The following LRRC37A2 variants were observed in gnomAD, a reference collection of about 807,000 sequenced individuals.
The protein encoded by LRRC37A2 is leucine-rich repeat-containing protein 37A2.
In LRRC37A2, 9 loss-of-function variants were observed where a neutral mutation model predicts 68.8. The ratio of observed to expected loss-of-function variants is 0.13; its 90% CI spans 0.08 to 0.23. LRRC37A2 has a LOEUF of 0.23. LRRC37A2 is among the 10% of genes least tolerant of loss of function. The pLI, the probability that LRRC37A2 is intolerant of heterozygous loss-of-function variation, is 1.00. For missense variants in LRRC37A2, 168 were observed against 950.4 expected, an observed-to-expected ratio of 0.18 and a Z score of 10.82; for synonymous variants, 63 against 367.6, an observed-to-expected ratio of 0.17 and a Z score of 9.48.
the LRRC37A2 span, among the ~76,000 whole-genome samples, chr17:46,741,826 G>A: frequency 6.6e-6 from 1 of 152,150 alleles, no homozygotes; most frequent in Non-Finnish European, 1.5e-5. Context: ...GAGTGCAGTG[G>A]CGCCATCTCG....
chr17:47,036,395 G>A, the LRRC37A2 span, among the ~76,000 whole-genome samples: 3 of 152,068 alleles, frequency 2.0e-5, no homozygotes, highest in African/African-American at 4.8e-5. Context: ...CCAGTTTGGA[G>A]AAGAAAAAAC....
chr17:46,733,796 G>T, the LRRC37A2 span, among the ~76,000 whole-genome samples: 1 of 152,168 alleles, frequency 6.6e-6, no homozygotes, highest in Non-Finnish European at 1.5e-5. Flanking sequence ...CCACTCCAAC[G>T]TCATAGCAGT....
the LRRC37A2 span, among the ~76,000 whole-genome samples, chr17:46,807,858 G>A: frequency 6.6e-6 from 1 of 152,234 alleles, no homozygotes; most frequent in African/African-American, 2.4e-5. Context: ...CTCATAGCCA[G>A]GACATAAAGG....
the LRRC37A2 span, among the ~76,000 whole-genome samples, chr17:46,822,041 G>A: frequency 6.6e-6 from 1 of 152,252 alleles, no homozygotes; most frequent in African/African-American, 2.4e-5. Context: ...ACCAACCTGG[G>A]GGGGTAAAGG....
chr17:46,994,987 G>T, the LRRC37A2 span, among the ~76,000 whole-genome samples: 1 of 152,276 alleles, frequency 6.6e-6, no homozygotes, highest in South Asian at 2.1e-4. Flanking sequence ...GCCAGGCATG[G>T]TGGTGTGCAC....
At chr17:46,988,267 T>C in the LRRC37A2 span, among the ~76,000 whole-genome samples, 1 of 152,182 alleles carries the variant, frequency 6.6e-6, no homozygotes, top group African/African-American at 2.4e-5. Flanking sequence ...TTGTATGAAA[T>C]ACCCAGAAAA....
the LRRC37A2 span, among the ~76,000 whole-genome samples, chr17:46,859,710 C>T: frequency 6.6e-6 from 1 of 152,144 alleles, no homozygotes; most frequent in Non-Finnish European, 1.5e-5. Context: ...TTAGTAGTAT[C>T]TCGTCAATAT....
At chr17:46,898,014 C>A in the LRRC37A2 span, among the ~76,000 whole-genome samples, 3 of 152,114 alleles carry the variant, frequency 2.0e-5, 1 homozygote, top group South Asian at 6.2e-4. Flanking sequence ...AGAAAATACA[C>A]TGGGAAGTAG....
the LRRC37A2 span, among the ~76,000 whole-genome samples, chr17:47,021,071 T>C: frequency 6.6e-6 from 1 of 152,040 alleles, no homozygotes; most frequent in Non-Finnish European, 1.5e-5. Flanking sequence ...TTACAAAGAA[T>C]TAGGTGAGGG....
At chr17:46,824,575 A>G in the LRRC37A2 span, among the ~76,000 whole-genome samples, 1 of 152,338 alleles carries the variant, frequency 6.6e-6, no homozygotes, top group East Asian at 1.9e-4. Flanking sequence ...TAGCAGACAT[A>G]TCTGCTCAGT....
chr17:46,978,339 T>C, the LRRC37A2 span: 1 of 385,898 alleles, frequency 2.6e-6, no homozygotes, highest in East Asian at 4.9e-5. Flanking sequence ...AGTCCCAAAT[T>C]GCATCTCCAT....
the LRRC37A2 span, chr17:46,940,698 C>T: frequency 2.5e-6 from 4 of 1,608,282 alleles, no homozygotes; most frequent in African/African-American, 2.7e-5. Flanking sequence ...TGGTGTGCAC[C>T]AGTGCTTTCC....
chr17:46,631,082 A>ACACACACACACG, the LRRC37A2 span, among the ~76,000 whole-genome samples: 5 of 142,170 alleles, frequency 3.5e-5, no homozygotes, highest in East Asian at 8.8e-4. Context: ...ACACACACAC[A>ACACACACACACG]CACACACACA....
chr17:46,936,645 AT>A, the LRRC37A2 span: 1 of 985,134 alleles, frequency 1.0e-6, no homozygotes, highest in Non-Finnish European at 1.2e-6. Context: ...AAATGAATAC[AT>A]TTTTTGAAAT....
the LRRC37A2 span, among the ~76,000 whole-genome samples, chr17:46,967,927 G>C: frequency 1.3e-5 from 2 of 152,208 alleles, no homozygotes; most frequent in African/African-American, 4.8e-5. Flanking sequence ...GAGCCACTGT[G>C]AACACAGAAT....
chr17:46,731,325 G>A, the LRRC37A2 span, among the ~76,000 whole-genome samples: 1 of 152,128 alleles, frequency 6.6e-6, no homozygotes, highest in African/African-American at 2.4e-5. Flanking sequence ...ATGGCCTAGG[G>A]CTGGGAGGGG....
chr17:46,392,439 T>C, the LRRC37A2 span, among the ~76,000 whole-genome samples: 49 of 33,158 alleles, frequency 1.5e-3, 10 homozygotes, highest in Admixed American at 5.2e-3. Context: ...CTCTCTTTCT[T>C]TCTTTCTTTC....
At chr17:46,755,770 T>A in the LRRC37A2 span, 1 of 1,597,916 alleles carries the variant, frequency 6.3e-7, no homozygotes, top group Non-Finnish European at 8.5e-7. Flanking sequence ...GACCCTCATC[T>A]GTTTTTTTGT....
the LRRC37A2 span, among the ~76,000 whole-genome samples, chr17:46,913,822 C>T: frequency 1.7e-3 from 259 of 152,212 alleles, 2 homozygotes; most frequent in Middle Eastern, 0.027. Context: ...TGCAGTGGCA[C>T]GATCTCGGCT....
Sources: gnomAD v4.1 joint callset for allele counts (sites outside exome capture counted in the v4.1 genomes callset) on GRCh38, gnomAD v4.1.1 for gene constraint, MANE v1.5 for transcripts, NCBI Gene and HGNC (gene_info 2026-07-23, HGNC 2026-07-21) for gene names.